Variants in SYT15 observed in about 807,000 individuals in gnomAD.
SYT15 encodes the protein synaptotagmin-15.
Under a neutral mutation model 30.1 loss-of-function variants are expected in SYT15, and 4 were observed. That is an observed-to-expected ratio of 0.13 (90% CI 0.07 to 0.30). The LOEUF is 0.30. Among genes scored for constraint, SYT15 ranks in the 10% least tolerant of loss-of-function variants. SYT15 has a pLI of 1.00. For missense variants in SYT15, 49 were observed against 371.7 expected, an observed-to-expected ratio of 0.13 and a Z score of 7.14; for synonymous variants, 19 against 166.3, an observed-to-expected ratio of 0.11 and a Z score of 6.82.
downstream of SYT15, chr10:46,596,848 T>C (rs200493262): frequency 5.2e-3 from 2,206 of 428,090 alleles, 229 homozygotes; most frequent in Non-Finnish European, 7.7e-3. Context: ...AGCTTAAACT[T>C]AAAATGAAAT....
At chr10:46,580,782 C>T (rs1471760803) in intron 2 of SYT15, 112 bp from the exon 3 acceptor site, 1 of 553,662 alleles carries the variant, frequency 1.8e-6, no homozygotes, top group African/African-American at 2.2e-5. Flanking sequence ...CTCCTCCTGG[C>T]TCCCGATGGC....
At chr10:46,586,689 A>T (rs1277296593) in intron 7 of SYT15, among the ~76,000 whole-genome samples, 1 of 137,920 alleles carries the variant, frequency 7.3e-6, no homozygotes, top group Non-Finnish European at 1.6e-5. Flanking sequence ...TACTAAAAAT[A>T]CAAAAGTTAG....
downstream of SYT15, chr10:46,596,204 G>A (rs1330019144): frequency 1.3e-5 from 2 of 150,768 alleles, no homozygotes; most frequent in South Asian, 2.1e-4. Context: ...CGATGCCATT[G>A]TTGCCAAACT....
chr10:46,579,567 T>C (rs945472), intron 1 of SYT15, among the ~76,000 whole-genome samples: 139,590 of 142,398 alleles, frequency 0.98, 68,961 homozygotes, highest in East Asian at 1. Context: ...AGCAACGGGG[T>C]CTTGCCCCCT....
downstream of SYT15, among the ~76,000 whole-genome samples, chr10:46,594,730 T>G (rs1447838064): frequency 1.3e-4 from 15 of 116,598 alleles, no homozygotes; most frequent in Non-Finnish European, 3.5e-5. Context: ...CTTGCCTCCT[T>G]GTGTTTTTCT....
chr10:46,595,213 C>T (rs373752383), downstream of SYT15, among the ~76,000 whole-genome samples: 8 of 129,046 alleles, frequency 6.2e-5, no homozygotes, highest in Admixed American at 1.5e-4. Context: ...CTGCAACCTC[C>T]GCCTCCCAGG....
At chr10:46,581,172 G>C in intron 3 of SYT15, 136 bp downstream of exon 3, 1 of 591,936 alleles carries the variant, frequency 1.7e-6, no homozygotes, top group East Asian at 3.0e-5. Context: ...ACTCTTTCTG[G>C]GTGCTTTCAT....
intron 5 of SYT15, among the ~76,000 whole-genome samples, 160 bp from the exon 6 acceptor site, chr10:46,584,335 A>G (rs1844598678): frequency 6.6e-6 from 1 of 151,692 alleles, no homozygotes; most frequent in South Asian, 2.1e-4. Flanking sequence ...TCCAGACCAC[A>G]GTTGCCCCAT....
chr10:46,586,268 C>T (rs1403893051), intron 7 of SYT15, among the ~76,000 whole-genome samples: 1 of 118,474 alleles, frequency 8.4e-6, no homozygotes, highest in East Asian at 2.3e-4. Context: ...AAAAAAGGGC[C>T]GGGCACGGTG....
chr10:46,586,636 A>G (rs1555040950), intron 7 of SYT15, among the ~76,000 whole-genome samples: 1 of 141,526 alleles, frequency 7.1e-6, no homozygotes, highest in East Asian at 2.0e-4. Context: ...CACGACGTCA[A>G]GAGATCAAGA....
downstream of SYT15, among the ~76,000 whole-genome samples, chr10:46,597,062 T>C (rs1320157339): frequency 7.0e-6 from 1 of 142,418 alleles, no homozygotes; most frequent in Non-Finnish European, 1.5e-5. Flanking sequence ...TAAGTTTGAA[T>C]TGGTAAATAG....
chr10:46,580,170 TG>T lies in SYT15; in HGVS notation c.16del (p.Ala6ProfsTer3). 7.5e-7 allele frequency: 1 copy of T among 1,332,110 alleles called. No homozygotes were observed. Among genetic ancestry groups the T allele is most frequent in the Non-Finnish European group, 9.9e-7 (1 of 1,007,466 alleles). 82.5% of individuals were successfully genotyped at this position (1,332,110 alleles called of 1,614,324 possible). ...TGGTGGTCTCTGCCCCCAGAGCAGC[TG>T]GCCCTGGTGATTGGGGGCACCATCG... MAEQLALVIGGTIGG... is the reference protein window; with the variant it reads MAEQXALVIGGTIGG... On this transcript the variant is annotated frameshift_variant, in exon 2 of 8. Coordinates refer to ENST00000374321, the MANE Select transcript of SYT15 (RefSeq NM_031912.5). LOFTEE classifies it high-confidence loss of function.
chr10:46,595,122 T>C (rs1845623705), downstream of SYT15, among the ~76,000 whole-genome samples: 1 of 133,168 alleles, frequency 7.5e-6, no homozygotes, highest in Non-Finnish European at 1.6e-5. Context: ...TGAGCTAGGG[T>C]AGGCAACTCA....
Position 46,590,675 on chromosome 10 carries a change from C to G in SYT15, c.*3028C>G, listed in dbSNP as rs1279917166. On this transcript the variant is annotated 3_prime_UTR_variant, in exon 8 of 8. Coordinates refer to ENST00000374321, the MANE Select transcript of SYT15 (RefSeq NM_031912.5). ...TGGGTATTCTTGTCTCATCCTCAATCTCAGGGGTGGTGGGTGTGGCATGTG... is the reference window on the plus strand; with the variant it reads ...TGGGTATTCTTGTCTCATCCTCAATGTCAGGGGTGGTGGGTGTGGCATGTG... 6.9e-6 allele frequency: 1 copy of G among 143,890 alleles called. No individual in the cohort carries two copies. The highest frequency in any genetic ancestry group is 2.7e-5 in the African/African-American group (1 of 37,480). 8.9% of individuals were successfully genotyped at this position (143,890 alleles called of 1,614,324 possible).
chr10:46,586,399 A>C (rs1555040772), intron 7 of SYT15, among the ~76,000 whole-genome samples: 1 of 120,520 alleles, frequency 8.3e-6, no homozygotes, highest in Non-Finnish European at 1.7e-5. Context: ...ACAAAAAATT[A>C]GCTGGGTGTG....
At chr10:46,596,938 C>A (rs2133476527), downstream of SYT15, 1 of 319,446 alleles carries the variant, frequency 3.1e-6, no homozygotes, top group African/African-American at 2.5e-5. Flanking sequence ...AGTTACAGGA[C>A]ACATTTTTGG....
At position 46,580,778 on chromosome 10, in the gene SYT15, C is replaced by T. The variant is rs1181714031; in HGVS notation, c.213-116C>T. ...CAGAAAATGGTGCCCTGGCCTCCTC[C>T]TGGCTCCCGATGGCTTTTCTTCCTC... On this transcript the variant is annotated intron_variant, in intron 2 of 7. Coordinates refer to ENST00000374321, the MANE Select transcript of SYT15 (RefSeq NM_031912.5). 144 of 553,392 alleles carry T rather than the reference C, an allele frequency of 2.6e-4. 3 individuals carry two copies. The East Asian group carries it at 4.2e-3, about 16-fold the overall frequency. The allele number at this position is 553,392 out of a possible 1,614,324, so 34.3% of individuals were successfully genotyped here.
rs375456623 is a variant in SYT15, at chr10:46,586,241, CAAAAAA to C, written c.1123+481_1123+486del. Among the ~76,000 whole-genome samples the C allele has an allele frequency of 2.8e-4, 6 of 21,644 alleles. 1 individual carries two copies. Among genetic ancestry groups the C allele is most frequent in the South Asian group, 2.0e-3 (1 of 494 alleles). 14.2% of individuals were successfully genotyped at this position (21,644 alleles called of 152,430 possible). A position where few individuals can be genotyped will look rare whatever the true frequency, so the allele number is the denominator to read the frequency against. ...CAGGAGGCGAGGCTGCTGAATCTGT[CAAAAAA>C]AAAAAAAAAAAAAAAAGGGCCGGGC... On this transcript the variant is annotated intron_variant, in intron 7 of 7. Coordinates refer to ENST00000374321, the MANE Select transcript of SYT15 (RefSeq NM_031912.5).
At position 46,580,949 on chromosome 10, in the gene SYT15, C is replaced by T. The variant is rs199526536; in HGVS notation, c.268C>T (p.Pro90Ser). 364 of 1,273,166 alleles carry T rather than the reference C, an allele frequency of 2.9e-4. 5 individuals are homozygous for T. In the African/African-American group the frequency reaches 5.7e-3, roughly 20 times the overall value. The allele number at this position is 1,273,166 out of a possible 1,614,324, so 78.9% of individuals were successfully genotyped here. A position where few individuals can be genotyped will look rare whatever the true frequency, so the allele number is the denominator to read the frequency against. ...PPTLQGRDWV[P>S]LHSGEWADAP... The stretch of plus-strand genomic sequence containing the variant: ...AACCCTTCAAGGCCGAGATTGGGTG[C>T]CCCTGCACAGTGGAGAGTGGGCCGA... The change falls in exon 3 of 8, where the codon CCC becomes TCC. Residue 90 changes from proline (P) to serine (S), a missense_variant. Pro to Ser is a moderately conservative substitution (Grantham distance 74). Transcript: ENST00000374321.
Sources: allele counts gnomAD v4.1 joint callset (sites outside exome capture counted in the v4.1 genomes callset), GRCh38; gene constraint gnomAD v4.1.1; transcripts MANE v1.5; gene names NCBI Gene and HGNC (gene_info 2026-07-23, HGNC 2026-07-21).